PRSS23: variants seen among roughly 807,000 people sequenced by gnomAD.
PRSS23 encodes protease, serine 23.
In PRSS23, 25 loss-of-function variants were observed where a neutral mutation model predicts 34.7. The observed-to-expected ratio is 0.72, with a 90% CI of 0.53 to 1.01. The LOEUF (loss-of-function observed/expected upper bound fraction) is 1.01. Ranked by LOEUF, PRSS23 falls within the 50% of genes least tolerant of loss-of-function variation. PRSS23 has a pLI of 0.00. For synonymous variants in PRSS23, 176 were observed against 186.6 expected (o/e 0.94, Z 0.46); for missense variants, 445 against 475.6 (o/e 0.94, Z 0.60).
intron 2 of PRSS23, among the ~76,000 whole-genome samples, chr11:86,839,106 C>T (rs757300714): frequency 1.2e-4 from 18 of 151,488 alleles, no homozygotes; most frequent in Admixed American, 5.3e-4. Flanking sequence ...GATTGCAGCT[C>T]CTCGCCAGCA....
intron 2 of PRSS23, among the ~76,000 whole-genome samples, chr11:86,908,382 C>T (rs1482238357): frequency 2.0e-5 from 3 of 152,186 alleles, no homozygotes; most frequent in Non-Finnish European, 4.4e-5. Flanking sequence ...TAATTTTGGC[C>T]TTTTGGAAAA....
intron 1 of PRSS23, among the ~76,000 whole-genome samples, chr11:86,792,986 G>C (rs1349412150): frequency 1.3e-5 from 2 of 152,184 alleles, no homozygotes; most frequent in African/African-American, 4.8e-5. Flanking sequence ...CCCCCAGGTA[G>C]CTGGGACTAC....
intron 1 of PRSS23, among the ~76,000 whole-genome samples, chr11:86,804,983 C>T (rs1036495277): frequency 3.9e-5 from 6 of 152,136 alleles, no homozygotes; most frequent in Non-Finnish European, 8.8e-5. Flanking sequence ...GTTGGACCTC[C>T]GCATTCTGTG....
At chr11:86,823,718 C>A in intron 2 of PRSS23, 1 of 645,106 alleles carries the variant, frequency 1.6e-6, no homozygotes, top group Non-Finnish European at 2.8e-6. Flanking sequence ...ATCAAGAATT[C>A]AGAGCAGGCC....
chr11:86,931,622 C>T (rs1353300510), intron 2 of PRSS23, among the ~76,000 whole-genome samples: 6 of 152,086 alleles, frequency 3.9e-5, no homozygotes, highest in African/African-American at 4.8e-5. Flanking sequence ...TATTCTGGGG[C>T]GATGGAAATA....
intron 2 of PRSS23, among the ~76,000 whole-genome samples, chr11:86,864,035 C>T (rs12577230): frequency 0.12 from 18,019 of 152,210 alleles, 1,208 homozygotes; most frequent in East Asian, 0.16. Context: ...GGAATTGACT[C>T]TGTGCTTCAC....
intron 2 of PRSS23, among the ~76,000 whole-genome samples, chr11:86,895,122 CAT>C (rs1948865913): frequency 6.6e-6 from 1 of 152,108 alleles, no homozygotes; most frequent in Non-Finnish European, 1.5e-5. Context: ...TATACAGTAA[CAT>C]ATAAAGATTT....
At chr11:86,884,568 C>T (rs1948790581) in intron 2 of PRSS23, among the ~76,000 whole-genome samples, 1 of 152,196 alleles carries the variant, frequency 6.6e-6, no homozygotes. Flanking sequence ...TCCCAAAGTG[C>T]TGGGATTACA....
At chr11:86,814,104 A>G (rs1948198598), downstream of PRSS23, among the ~76,000 whole-genome samples, 1 of 152,248 alleles carries the variant, frequency 6.6e-6, no homozygotes, top group African/African-American at 2.4e-5. Context: ...TGTGGAAATG[A>G]AAACCGAGAA....
At chr11:86,847,028 ATTG>A (rs1490616520) in intron 2 of PRSS23, among the ~76,000 whole-genome samples, 1 of 152,182 alleles carries the variant, frequency 6.6e-6, no homozygotes, top group Admixed American at 6.5e-5. Context: ...GAGCCATTGA[ATTG>A]TTGTTTCAAC....
At chr11:86,830,276 G>C (rs1053597858) in intron 2 of PRSS23, among the ~76,000 whole-genome samples, 1 of 152,170 alleles carries the variant, frequency 6.6e-6, no homozygotes, top group African/African-American at 2.4e-5. Flanking sequence ...AGACTCCATG[G>C]GCATAGGACC....
intron 2 of PRSS23, among the ~76,000 whole-genome samples, chr11:86,900,824 G>A (rs7119845): frequency 0.21 from 26,202 of 122,756 alleles, 2,949 homozygotes; most frequent in African/African-American, 0.36. Context: ...TCGCTCTGTC[G>A]CCCAGGCTGG....
chr11:86,919,179 C>T (rs192167991), intron 2 of PRSS23, among the ~76,000 whole-genome samples: 2 of 152,350 alleles, frequency 1.3e-5, no homozygotes, highest in Non-Finnish European at 2.9e-5. Context: ...CACATCCTTC[C>T]ATCCAGCAAA....
chr11:86,913,504 T>C (rs890607902), intron 2 of PRSS23, among the ~76,000 whole-genome samples: 20 of 151,334 alleles, frequency 1.3e-4, no homozygotes, highest in African/African-American at 4.9e-4. Flanking sequence ...TTCCATATTT[T>C]AGAAAGTATT....
intron 2 of PRSS23, among the ~76,000 whole-genome samples, chr11:86,927,968 G>A (rs1224045916): frequency 1.3e-5 from 2 of 151,442 alleles, no homozygotes; most frequent in African/African-American, 4.8e-5. Context: ...TACTGTACTT[G>A]GTCCCAGAAA....
chr11:86,851,022 G>T lies in PRSS23; in HGVS notation c.206+27429G>T, dbSNP rs1306481099. Among the ~76,000 whole-genome samples, 7 of 152,122 alleles carry T rather than the reference G, an allele frequency of 4.6e-5. No homozygotes were observed. The East Asian group carries it at 1.3e-3, about 29-fold the overall frequency. On this transcript the variant is annotated intron_variant, in intron 2 of 2. Coordinates refer to the PRSS23 transcript ENST00000533902. ...TGTACTTTCACACCAATTCTTTGGC[G>T]TGGCTAGGCAAGAACCTTAGACGTT...
intron 2 of PRSS23, among the ~76,000 whole-genome samples, chr11:86,853,670 G>A (rs1948547843): frequency 6.6e-6 from 1 of 152,160 alleles, no homozygotes; most frequent in Non-Finnish European, 1.5e-5. Context: ...TTGCTGTTGT[G>A]AATAATGCTG....
intron 2 of PRSS23, among the ~76,000 whole-genome samples, chr11:86,890,419 T>TG (rs1948833690): frequency 6.6e-6 from 1 of 152,090 alleles, no homozygotes; most frequent in Admixed American, 6.5e-5. Flanking sequence ...ATAACACCAG[T>TG]GAAAAAATAT....
chr11:86,910,394 G>A (rs1275704701), intron 2 of PRSS23: 1 of 152,064 alleles, frequency 6.6e-6, no homozygotes, highest in Non-Finnish European at 1.5e-5. Flanking sequence ...TCAAAACAGT[G>A]AGCCATTTCA....
Sources: gnomAD v4.1 joint callset for allele counts (sites outside exome capture counted in the v4.1 genomes callset) on GRCh38, gnomAD v4.1.1 for gene constraint, MANE v1.5 for transcripts, NCBI Gene and HGNC (gene_info 2026-07-23, HGNC 2026-07-21) for gene names.